CES5A: variants seen among roughly 807,000 people sequenced by gnomAD.
CES5A encodes the protein carboxylesterase 5.
CES5A carries 67 observed loss-of-function variants against 62.9 expected under a neutral mutation model. That is an observed-to-expected ratio of 1.07 (90% CI 0.88 to 1.31). The LOEUF is 1.31. Ranked by LOEUF, CES5A falls within the 50% of genes most tolerant of loss-of-function variation. The pLI, the probability that CES5A is intolerant of heterozygous loss-of-function variation, is 0.00. For synonymous variants in CES5A, 296 were observed against 280.8 expected (o/e 1.05, Z -0.54); for missense variants, 748 against 708.5 (o/e 1.06, Z -0.63).
upstream of CES5A, among the ~76,000 whole-genome samples, chr16:55,926,939 C>G (rs1413508367): frequency 6.6e-6 from 1 of 152,096 alleles, no homozygotes; most frequent in Non-Finnish European, 1.5e-5. Flanking sequence ...CTGGTAAAGC[C>G]ATGTTTCCTC....
At chr16:55,932,718 T>C (rs2034327876) in intron 2 of CES5A, among the ~76,000 whole-genome samples, 1 of 151,960 alleles carries the variant, frequency 6.6e-6, no homozygotes, top group Non-Finnish European at 1.5e-5. Flanking sequence ...AAGAAAGAGC[T>C]TGTTGAGTCT....
At chr16:55,863,278 A>G in intron 6 of CES5A, 70 bp downstream of exon 6, 1 of 860,712 alleles carries the variant, frequency 1.2e-6, no homozygotes. Context: ...ACACATGGTG[A>G]GAAGGTGCCT....
At chr16:55,856,528 T>C in intron 8 of CES5A, 83 bp from the exon 9 acceptor site, 1 of 1,316,344 alleles carries the variant, frequency 7.6e-7, no homozygotes, top group Non-Finnish European at 1.1e-6. Context: ...GCAGCTGACT[T>C]TCACAGGGGA....
upstream of CES5A, among the ~76,000 whole-genome samples, chr16:55,875,709 G>A (rs1246514323): frequency 6.6e-6 from 1 of 152,198 alleles, no homozygotes; most frequent in Non-Finnish European, 1.5e-5. Flanking sequence ...AAGCAGCCCG[G>A]CTGGCCCTGC....
intron 9 of CES5A, among the ~76,000 whole-genome samples, chr16:55,854,155 C>T (rs556439655): frequency 2.6e-3 from 397 of 152,244 alleles, no homozygotes; most frequent in South Asian, 0.025. Context: ...GGACAGTCAG[C>T]GTGCAAAATC....
At chr16:55,853,703 C>T (rs2033176421) in intron 9 of CES5A, among the ~76,000 whole-genome samples, 1 of 152,180 alleles carries the variant, frequency 6.6e-6, no homozygotes. Flanking sequence ...TGCTGAGCGC[C>T]TTAATAGGAC....
intron 1 of CES5A, among the ~76,000 whole-genome samples, chr16:55,950,824 G>A (rs554034960): frequency 1.1e-4 from 16 of 150,612 alleles, no homozygotes; most frequent in South Asian, 6.4e-4. Context: ...ACACTTGGCC[G>A]GGCACGGGTG....
rs751585422 is a variant in CES5A at position 55,846,792 on chromosome 16, T to G, written c.1472A>C (p.Tyr491Ser). The G allele has an allele frequency of 1.2e-6, 2 of 1,614,066 alleles. No homozygotes were observed. The highest frequency in any genetic ancestry group is 1.7e-6 in the Non-Finnish European group (2 of 1,180,010). Reference protein sequence around the residue: ...EKLLSRKMMKYWATFARTGNP... With the variant: ...EKLLSRKMMKSWATFARTGNP... ...CCCGGTTCGAGCAAAGGTAGCCCAG[T>G]ATTTCATCATCTTCCGGCTCAGTAA... The change falls in exon 12 of 13, where the codon TAC (tyrosine) becomes TCC (serine). Residue 491 changes from tyrosine to serine, a missense_variant. Tyr to Ser is a moderately radical substitution (Grantham distance 144, BLOSUM62 -2). Coordinates refer to ENST00000290567, the MANE Select transcript of CES5A (RefSeq NM_001143685.2).
At chr16:55,859,456 C>T (rs1434964278) in intron 8 of CES5A, 91 bp downstream of exon 8, 1 of 1,312,678 alleles carries the variant, frequency 7.6e-7, no homozygotes, top group Non-Finnish European at 1.1e-6. Context: ...ACTTACAATA[C>T]CTGATGTCTT....
chr16:55,900,981 G>A (rs561168633), intron 1 of CES5A, among the ~76,000 whole-genome samples: 8 of 152,288 alleles, frequency 5.3e-5, no homozygotes, highest in African/African-American at 1.9e-4. Context: ...GGGGAGAGCT[G>A]CCCACCTCTC....
chr16:55,928,270 A>G (rs1210424293), upstream of CES5A, among the ~76,000 whole-genome samples: 1 of 152,184 alleles, frequency 6.6e-6, no homozygotes, highest in Non-Finnish European at 1.5e-5. Context: ...TTTTCCAGCA[A>G]TTTGGCTGGA....
upstream of CES5A, among the ~76,000 whole-genome samples, chr16:55,878,778 T>C (rs2033726845): frequency 8.5e-6 from 1 of 117,820 alleles, no homozygotes; most frequent in Non-Finnish European, 1.8e-5. Context: ...TCACTGCACC[T>C]CCACCATTAA....
Position 55,899,496 on chromosome 16 carries a change from G to A in CES5A, c.-255-25459C>T, listed in dbSNP as rs150951508. Among the ~76,000 whole-genome samples the A allele has an allele frequency of 5.2e-4, 79 of 152,292 alleles. No homozygotes were observed. The East Asian group carries it at 0.013, about 24-fold the overall frequency. On this transcript the variant is annotated intron_variant, in intron 1 of 12. Coordinates refer to the CES5A transcript ENST00000518005. ...GTAGTGTTGAGCTGAGAAGCTTCAGGATTCTGGGTCTATCTGTTTTCAAAC... is the reference window on the plus strand; with the variant it reads ...GTAGTGTTGAGCTGAGAAGCTTCAGAATTCTGGGTCTATCTGTTTTCAAAC...
intron 9 of CES5A, among the ~76,000 whole-genome samples, chr16:55,854,557 T>TTTTTTTTTTTTTTTTTTTTTTTTTTC: frequency 5.2e-5 from 1 of 19,190 alleles, no homozygotes; most frequent in Admixed American, 5.0e-4. Context: ...TTTTTTTTTT[T>TTTTTTTTTTTTTTTTTTTTTTTTTTC]GAGACAGAGT....
intron 6 of CES5A, among the ~76,000 whole-genome samples, 190 bp downstream of exon 6, chr16:55,863,158 G>A (rs2033387701): frequency 6.6e-6 from 1 of 152,144 alleles, no homozygotes; most frequent in Non-Finnish European, 1.5e-5. Context: ...CAGTGGTGTG[G>A]CATTGTGTAG....
intron 11 of CES5A, among the ~76,000 whole-genome samples, chr16:55,848,680 T>C (rs1187148093): frequency 6.6e-6 from 1 of 152,210 alleles, no homozygotes; most frequent in Non-Finnish European, 1.5e-5. Flanking sequence ...GGTTATTCTT[T>C]TCTTATTAAT....
chr16:55,942,420 A>G (rs2034455312), intron 2 of CES5A, among the ~76,000 whole-genome samples: 1 of 152,206 alleles, frequency 6.6e-6, no homozygotes, highest in Non-Finnish European at 1.5e-5. Flanking sequence ...CTTAAAAGAT[A>G]CTTCACAGGG....
chr16:55,851,166 G>A (rs1471213020), intron 10 of CES5A, among the ~76,000 whole-genome samples: 2 of 152,052 alleles, frequency 1.3e-5, no homozygotes, highest in East Asian at 3.9e-4. Flanking sequence ...AAACTACTGT[G>A]CAACTTTTGT....
intron 6 of CES5A, 34 bp downstream of exon 6, chr16:55,863,314 G>T: frequency 9.1e-7 from 1 of 1,094,226 alleles, no homozygotes; most frequent in Non-Finnish European, 1.4e-6. Context: ...TAACTGAGGA[G>T]AGGAAGGTGG....
Sources: allele counts gnomAD v4.1 joint callset (sites outside exome capture counted in the v4.1 genomes callset), GRCh38; gene constraint gnomAD v4.1.1; transcripts MANE v1.5; gene names NCBI Gene and HGNC (gene_info 2026-07-23, HGNC 2026-07-21).